The following ZNF724 variants were observed in gnomAD, a reference collection of about 807,000 sequenced individuals.
ZNF724 encodes zinc finger protein 724.
In ZNF724, 14 loss-of-function variants were observed where a neutral mutation model predicts 29.3. The ratio of observed to expected loss-of-function variants is 0.48; its 90% CI spans 0.32 to 0.75. The LOEUF is 0.75. ZNF724 is among the 30% of genes least tolerant of loss of function. The probability of loss-of-function intolerance (pLI) is 0.04; values close to 1 mark genes in which losing one functional copy is unlikely to be tolerated. For missense variants in ZNF724, 557 were observed against 571.2 expected (o/e 0.98, Z 0.25); for synonymous variants, 180 against 193.6 (o/e 0.93, Z 0.58).
intron 3 of ZNF724, among the ~76,000 whole-genome samples, chr19:23,227,445 A>ACTTGGGAGGCTGAGG (rs1407458739): frequency 6.6e-6 from 1 of 151,042 alleles, no homozygotes; most frequent in Non-Finnish European, 1.5e-5. Flanking sequence ...AATCCCAGCT[A>ACTTGGGAGGCTGAGG]CTTGGGAGGC....
intron 1 of ZNF724, among the ~76,000 whole-genome samples, chr19:23,248,551 T>G (rs1972284769): frequency 6.6e-6 from 1 of 151,104 alleles, no homozygotes; most frequent in African/African-American, 2.4e-5. Context: ...CCCTGGATTC[T>G]TGCTTTGAAA....
chr19:23,243,552 T>C (rs1972176735), intron 1 of ZNF724, among the ~76,000 whole-genome samples: 1 of 141,040 alleles, frequency 7.1e-6, no homozygotes, highest in Non-Finnish European at 1.5e-5. Context: ...CATTTATAAG[T>C]AAGAGCTAAA....
At chr19:23,245,705 CTTAA>C (rs1972223014) in intron 1 of ZNF724, among the ~76,000 whole-genome samples, 1 of 151,918 alleles carries the variant, frequency 6.6e-6, no homozygotes, top group African/African-American at 2.4e-5. Flanking sequence ...TTGGTTGCTC[CTTAA>C]TATGAAAAAA....
intron 1 of ZNF724, among the ~76,000 whole-genome samples, chr19:23,249,293 G>C (rs1230905962): frequency 6.7e-6 from 1 of 149,274 alleles, no homozygotes. Flanking sequence ...GCCCAGGCTG[G>C]AGTGCAGTGG....
chr19:23,238,181 C>T (rs940684188), intron 1 of ZNF724, among the ~76,000 whole-genome samples: 1 of 151,800 alleles, frequency 6.6e-6, no homozygotes, highest in African/African-American at 2.4e-5. Context: ...CTGGCTAACA[C>T]GGTGAAACCC....
intron 3 of ZNF724, 195 bp downstream of exon 3, chr19:23,231,071 C>T (rs548701851): frequency 2.9e-5 from 10 of 342,406 alleles, no homozygotes; most frequent in South Asian, 1.1e-4. Flanking sequence ...TTAGTAAAGA[C>T]GGGGTTTCTC....
chr19:23,245,194 C>G (rs1294107934), intron 1 of ZNF724, among the ~76,000 whole-genome samples: 1 of 152,198 alleles, frequency 6.6e-6, no homozygotes, highest in Non-Finnish European at 1.5e-5. Flanking sequence ...CTGAATTTGT[C>G]TTCAGTGGTC....
intron 1 of ZNF724, among the ~76,000 whole-genome samples, chr19:23,237,319 T>A (rs1018983264): frequency 4.6e-5 from 7 of 152,126 alleles, no homozygotes; most frequent in Non-Finnish European, 1.0e-4. Flanking sequence ...TTTAGTAAAA[T>A]AAAAGATACT....
chr19:23,240,309 C>G (rs1599646277), intron 1 of ZNF724, among the ~76,000 whole-genome samples: 1 of 146,180 alleles, frequency 6.8e-6, no homozygotes, highest in South Asian at 2.2e-4. Context: ...AAGATAAGGA[C>G]AAAACCCAAA....
At chr19:23,225,258 A>C (rs1236896866) in intron 3 of ZNF724, among the ~76,000 whole-genome samples, 1 of 152,152 alleles carries the variant, frequency 6.6e-6, no homozygotes, top group African/African-American at 2.4e-5. Flanking sequence ...CTTTTGATTC[A>C]TAAACGTATC....
rs116513189 is a variant in ZNF724 at position 23,229,201 on chromosome 19, C to T, written c.226+2065G>A. On this transcript the variant is annotated intron_variant, in intron 3 of 3. Transcript: ENST00000418100. Reference sequence around the variant, plus strand: ...TCATTCAGGTGGTAAACTACAGGACCTCTGTTCTTGGCTACAGACTGAAAA... The same window carrying T: ...TCATTCAGGTGGTAAACTACAGGACTTCTGTTCTTGGCTACAGACTGAAAA... Among the ~76,000 whole-genome samples the T allele has an allele frequency of 7.0e-3, 1,071 of 152,218 alleles. 7 individuals are homozygous for T. Among genetic ancestry groups the T allele is most frequent in the African/African-American group, 0.024 (979 of 41,516 alleles).
Position 23,226,550 on chromosome 19 carries a change from C to T in ZNF724, c.227-2532G>A, listed in dbSNP as rs191157960. Among the ~76,000 whole-genome samples, 264 of 151,710 alleles carry T rather than the reference C, an allele frequency of 1.7e-3. 2 individuals carry two copies. In the Middle Eastern group the frequency reaches 0.031, roughly 18 times the overall value. On this transcript the variant is annotated intron_variant, in intron 3 of 3. Coordinates refer to ENST00000418100, the MANE Select transcript of ZNF724 (RefSeq NM_001355404.2). ...TACAACAATTTTGTAGAAGAAGAAC[C>T]GAAAAAAGTAAAGAATTATGAATCT... is the stretch of plus-strand genomic sequence containing the variant.
At chr19:23,245,342 G>C (rs549431246) in intron 1 of ZNF724, among the ~76,000 whole-genome samples, 1 of 152,158 alleles carries the variant, frequency 6.6e-6, no homozygotes, top group African/African-American at 2.4e-5. Flanking sequence ...AGCCAGGTGC[G>C]GTGGCTCACG....
chr19:23,247,415 A>C (rs1369770537), intron 1 of ZNF724, among the ~76,000 whole-genome samples: 2 of 152,236 alleles, frequency 1.3e-5, no homozygotes, highest in African/African-American at 2.4e-5. Context: ...AAAAGAGTCA[A>C]TATAAGTGAA....
chr19:23,226,006 C>T (rs1971819708), intron 3 of ZNF724, among the ~76,000 whole-genome samples: 1 of 151,854 alleles, frequency 6.6e-6, no homozygotes, highest in Middle Eastern at 3.2e-3. Context: ...CGCACCCCAC[C>T]CCATGCCTGG....
Position 23,223,969 on chromosome 19 carries a change from T to C in ZNF724, c.276A>G (p.Lys92=), listed in dbSNP as rs1389279598. The C allele has an allele frequency of 1.4e-6, 1 of 727,400 alleles. No homozygotes were observed. Among genetic ancestry groups the C allele is most frequent in the Non-Finnish European group, 2.5e-6 (1 of 397,124 alleles). The allele number at this position is 727,400 out of a possible 1,614,324, so 45.1% of individuals were successfully genotyped here. A position where few individuals can be genotyped will look rare whatever the true frequency, so the allele number is the denominator to read the frequency against. Residue 92 remains lysine, a synonymous_variant, in exon 4 of 4, where the codon AAA becomes AAG. Transcript: ENST00000418100. The part of the protein sequence containing the change: ...AQDLRPEQSI[K]ASLQRIILRK... ...TCAGTATTATTCTTTGCAAAGAAGC[T>C]TTTATGCTCTGCTCTGGCCGAAGGT...
chr19:23,229,206 T>C (rs1971891879), intron 3 of ZNF724, among the ~76,000 whole-genome samples: 1 of 152,126 alleles, frequency 6.6e-6, no homozygotes, highest in Non-Finnish European at 1.5e-5. Flanking sequence ...AGGACCTCTG[T>C]TCTTGGCTAC....
At chr19:23,231,094 G>T in intron 3 of ZNF724, 172 bp downstream of exon 3, 1 of 433,140 alleles carries the variant, frequency 2.3e-6, no homozygotes, top group Non-Finnish European at 4.0e-6. Flanking sequence ...TGTTGGTCAG[G>T]CTGGTCTCGA....
In ZNF724 at chr19:23,232,283, G is replaced by T; in HGVS notation, c.14C>A (p.Thr5Lys). ...GAATTCTATGGCCACATCCATAAAT[G>T]TCAATGGTCCCTGAAAAGTACACAC... MGPL[T>K]FMDVAIEFSV... The change falls in exon 2 of 4, where the codon ACA becomes AAA. Residue 5 changes from threonine (T) to lysine (K), a missense_variant. This residue lies in a region of ZNF724 where 25 missense variants were observed against 54.9 expected (regional missense o/e 0.46). Transcript: ENST00000418100. 8.0e-7 allele frequency: 1 copy of T among 1,243,092 alleles called. No individual in the cohort carries two copies. The highest frequency in any genetic ancestry group is 1.7e-5 in the Admixed American group (1 of 58,676). 77.0% of individuals were successfully genotyped at this position (1,243,092 alleles called of 1,614,324 possible).
Sources: gnomAD v4.1 joint callset for allele counts (sites outside exome capture counted in the v4.1 genomes callset) on GRCh38, gnomAD v4.1.1 for gene constraint, gnomAD v4.1.1 regional missense constraint, MANE v1.5 for transcripts, NCBI Gene and HGNC (gene_info 2026-07-23, HGNC 2026-07-21) for gene names.